SMC6: variants seen among roughly 807,000 people sequenced by gnomAD.
SMC6 encodes structural maintenance of chromosomes protein 6.
In SMC6, 79 loss-of-function variants were observed where a neutral mutation model predicts 142.2. The ratio of observed to expected loss-of-function variants is 0.56; its 90% CI spans 0.46 to 0.67. The LOEUF is 0.67. Ranked by LOEUF, SMC6 falls within the 30% of genes least tolerant of loss-of-function variation. The probability of loss-of-function intolerance (pLI) is 0.00; values close to 1 mark genes in which losing one functional copy is unlikely to be tolerated. For synonymous variants in SMC6, 411 were observed against 412.4 expected (o/e 1.00, Z 0.04); for missense variants, 1,072 against 1,284.0 (o/e 0.83, Z 2.52).
intron 7 of SMC6, among the ~76,000 whole-genome samples, chr2:17,729,013 G>C (rs1476615411): frequency 6.6e-6 from 1 of 152,094 alleles, no homozygotes. Context: ...GCCTCCCAAA[G>C]TGTGGGGATA....
chr2:17,669,293 T>C (rs747699847), intron 26 of SMC6, among the ~76,000 whole-genome samples: 24 of 152,306 alleles, frequency 1.6e-4, no homozygotes, highest in South Asian at 1.2e-3. Context: ...ATTGGTGGTT[T>C]ACCAGGTGAT....
At chr2:17,726,497 A>G (rs1174749340) in intron 7 of SMC6, 28 bp from the exon 8 acceptor site, 57 of 1,576,006 alleles carry the variant, frequency 3.6e-5, no homozygotes, top group Non-Finnish European at 4.6e-5. Context: ...TCATTTTTGA[A>G]TATTTTACTT....
chr2:17,718,137 T>C lies in SMC6; in HGVS notation c.1032A>G (p.Pro344=). ...KISEETNARA[P]ECMALKADVV... ...CATCTGCTTTCAATGCCATACATTC[T>C]GGTGCTCGTGCATTTGTCTCTTCAC... The change falls in exon 12 of 28, where the codon CCA becomes CCG. Residue 344 remains proline (P), a synonymous_variant. Transcript: ENST00000448223. 1.2e-6 allele frequency: 2 copies of C among 1,612,008 alleles called. No homozygotes were observed. The highest frequency in any genetic ancestry group is 1.7e-6 in the Non-Finnish European group (2 of 1,178,662).
At chr2:17,687,388 T>G (rs1038389003) in intron 23 of SMC6, among the ~76,000 whole-genome samples, 1 of 152,196 alleles carries the variant, frequency 6.6e-6, no homozygotes, top group East Asian at 1.9e-4. Flanking sequence ...CAGATCAATG[T>G]GTGTGTGCAG....
chr2:17,709,281 A>G (rs1668698670), intron 16 of SMC6, among the ~76,000 whole-genome samples: 2 of 152,172 alleles, frequency 1.3e-5, no homozygotes, highest in Admixed American at 6.5e-5. Context: ...AAATAGCTAA[A>G]CAATCTTTTC....
chr2:17,748,859 G>A (rs1003311540), intron 2 of SMC6, among the ~76,000 whole-genome samples: 7 of 152,208 alleles, frequency 4.6e-5, no homozygotes, highest in African/African-American at 1.7e-4. Flanking sequence ...AACGCACTAG[G>A]GAAAATGTGA....
At chr2:17,715,124 T>A (rs1396132522) in intron 15 of SMC6, 59 bp from the exon 16 acceptor site, 18 of 1,409,276 alleles carry the variant, frequency 1.3e-5, no homozygotes, top group Non-Finnish European at 1.7e-5. Flanking sequence ...AATATTAACA[T>A]CCTCCTCTTT....
chr2:17,695,093 T>G, intron 23 of SMC6, 59 bp downstream of exon 23: 1 of 1,580,376 alleles, frequency 6.3e-7, no homozygotes, highest in Non-Finnish European at 8.6e-7. Context: ...TTTTTCATTT[T>G]TTGTCTTGAT....
intron 4 of SMC6, among the ~76,000 whole-genome samples, chr2:17,740,580 G>A (rs1670389605): frequency 6.6e-6 from 1 of 152,142 alleles, no homozygotes; most frequent in Non-Finnish European, 1.5e-5. Context: ...GTGGCCGGGC[G>A]CAGTGGCTCA....
At chr2:17,705,353 G>T (rs188350968) in intron 18 of SMC6, among the ~76,000 whole-genome samples, 9 of 152,240 alleles carry the variant, frequency 5.9e-5, no homozygotes, top group Non-Finnish European at 1.3e-4. Flanking sequence ...GAGGTGGGTA[G>T]ACCACTTGAA....
intron 9 of SMC6, among the ~76,000 whole-genome samples, chr2:17,722,777 C>A (rs908842963): frequency 6.6e-6 from 1 of 152,090 alleles, no homozygotes; most frequent in African/African-American, 2.4e-5. Flanking sequence ...GAATTTCTCA[C>A]GGTTCAGGCC....
intron 12 of SMC6, among the ~76,000 whole-genome samples, chr2:17,717,499 G>A (rs1183441986): frequency 4.6e-5 from 7 of 151,990 alleles, no homozygotes; most frequent in East Asian, 3.9e-4. Context: ...GTGAAACCCC[G>A]TCTCTACTAA....
At position 17,726,378 on chromosome 2, in the gene SMC6, G is replaced by C; in HGVS notation, c.624+11C>G. The C allele has an allele frequency of 6.3e-7, 1 of 1,599,338 alleles. No homozygotes were observed. Among genetic ancestry groups the C allele is most frequent in the Non-Finnish European group, 8.5e-7 (1 of 1,170,830 alleles). ...TTTAAATGGGTTTATATTTACTTTG[G>C]TGCCACTTACTTTGTATTTGTCTCC... On this transcript the variant is annotated intron_variant, in intron 8 of 27. Coordinates refer to ENST00000448223, the MANE Select transcript of SMC6 (RefSeq NM_001142286.2).
At position 17,714,841 on chromosome 2, in the gene SMC6, T is replaced by C. The variant is rs755585916; in HGVS notation, c.1730+20A>G. The C allele has an allele frequency of 3.1e-6, 5 of 1,606,946 alleles. No homozygotes were observed. Among genetic ancestry groups the C allele is most frequent in the East Asian group, 2.2e-5 (1 of 44,784 alleles). On this transcript the variant is annotated intron_variant, in intron 16 of 27. Transcript: ENST00000448223. ...ATGATTAAGCAAAGCCAGAAACATA[T>C]TCAATTACTAATGCCTTACCTGTGT...
chr2:17,704,801 A>T (rs1668425360), intron 18 of SMC6, among the ~76,000 whole-genome samples: 1 of 152,228 alleles, frequency 6.6e-6, no homozygotes, highest in Admixed American at 6.5e-5. Context: ...TGTTAGCTGA[A>T]TAAATGATAA....
chr2:17,731,131 C>T lies in SMC6; in HGVS notation c.490G>A (p.Val164Ile). The T allele has an allele frequency of 6.2e-7, 1 of 1,611,276 alleles. No individual in the cohort carries two copies. Among genetic ancestry groups the T allele is most frequent in the East Asian group, 2.2e-5 (1 of 44,762 alleles). ...YKLKSATGSV[V>I]STRKEELIAI... ...ATCAGCTCTTCTTTCCTCGTGGAAA[C>T]CACGGAGCCTAGTTATAAGAAACAT... The change falls in exon 7 of 28, where the codon GTT becomes ATT. Residue 164 changes from valine (V) to isoleucine (I), a missense_variant. Physicochemically the swap from Val to Ile is conservative, Grantham distance 29. This residue lies in a region of SMC6 where 994 missense variants were observed against 1,153.2 expected (regional missense o/e 0.86). Coordinates refer to ENST00000448223, the MANE Select transcript of SMC6 (RefSeq NM_001142286.2).
intron 18 of SMC6, among the ~76,000 whole-genome samples, chr2:17,704,458 A>G (rs1382542001): frequency 6.6e-6 from 1 of 152,204 alleles, no homozygotes; most frequent in Non-Finnish European, 1.5e-5. Context: ...AGCAGAGTCA[A>G]CTGGCTTCAG....
rs1462163505 is a variant in SMC6 at position 17,739,120 on chromosome 2, T to C, written c.239-794A>G. On this transcript the variant is annotated intron_variant, in intron 4 of 27. Transcript: ENST00000448223. ...GCAAAGTCATATACATGTTTTTATA[T>C]AATATTTTGACAATTATTATTTGTA... Among the ~76,000 whole-genome samples, 5 of 152,254 alleles carry C rather than the reference T, an allele frequency of 3.3e-5. No individual in the cohort carries two copies. In the South Asian group the frequency reaches 6.2e-4, roughly 19 times the overall value.
chr2:17,751,377 G>C (rs1031013408), intron 2 of SMC6, among the ~76,000 whole-genome samples: 1 of 151,626 alleles, frequency 6.6e-6, no homozygotes. Flanking sequence ...CTACTCCGGA[G>C]GCTGAGGCAG....
Sources: allele counts gnomAD v4.1 joint callset (sites outside exome capture counted in the v4.1 genomes callset), GRCh38; gene constraint gnomAD v4.1.1; regional missense constraint gnomAD v4.1.1; transcripts MANE v1.5; gene names NCBI Gene and HGNC (gene_info 2026-07-23, HGNC 2026-07-21).